Variants in KIFC3 observed in about 807,000 individuals in gnomAD.
The protein encoded by KIFC3 is kinesin-like protein KIFC3.
KIFC3 carries 60 observed loss-of-function variants against 101.8 expected under a neutral mutation model. That is an observed-to-expected ratio of 0.59 (90% CI 0.48 to 0.73). The LOEUF is 0.73. Ranked by LOEUF, KIFC3 falls within the 30% of genes least tolerant of loss-of-function variation. The pLI is 0.00. For missense variants in KIFC3, 966 were observed against 1,137.1 expected (o/e 0.85, Z 2.16); for synonymous variants, 476 against 482.7 (o/e 0.99, Z 0.18).
At chr16:57,830,219 T>C (rs1239534623) in intron 1 of KIFC3, among the ~76,000 whole-genome samples, 1 of 150,898 alleles carries the variant, frequency 6.6e-6, no homozygotes. Flanking sequence ...CTGACTGTTT[T>C]CCTTTCTTTT....
chr16:57,858,574 T>A (rs1357693232), intron 1 of KIFC3, among the ~76,000 whole-genome samples: 2 of 152,182 alleles, frequency 1.3e-5, no homozygotes, highest in African/African-American at 4.8e-5. Context: ...TATAATTGCA[T>A]GTCATTAACT....
chr16:57,778,600 G>T (rs2052388377), intron 3 of KIFC3, among the ~76,000 whole-genome samples: 1 of 152,130 alleles, frequency 6.6e-6, no homozygotes, highest in African/African-American at 2.4e-5. Context: ...CCCAATTTAA[G>T]AATGAGCAAA....
At chr16:57,847,559 T>A (rs1322882810) in intron 1 of KIFC3, among the ~76,000 whole-genome samples, 1 of 151,942 alleles carries the variant, frequency 6.6e-6, no homozygotes, top group African/African-American at 2.4e-5. Flanking sequence ...GATTAGAGAT[T>A]CCACAAATTG....
intron 3 of KIFC3, among the ~76,000 whole-genome samples, chr16:57,794,647 C>G (rs909340893): frequency 6.6e-6 from 1 of 152,184 alleles, no homozygotes; most frequent in East Asian, 1.9e-4. Flanking sequence ...CAAGGAAATA[C>G]AAGGAAATAC....
chr16:57,775,580 A>G (rs940669405), intron 3 of KIFC3: 10 of 985,848 alleles, frequency 1.0e-5, no homozygotes, highest in Non-Finnish European at 1.1e-5. Flanking sequence ...GAGAGCCAAG[A>G]GCAGGCAGGG....
intron 1 of KIFC3, among the ~76,000 whole-genome samples, chr16:57,847,239 GAAGGAAGGAAGGAAGGAAGGAAGGAAGGA>G (rs1567339270): frequency 6.9e-5 from 7 of 101,316 alleles, no homozygotes; most frequent in African/African-American, 9.6e-5. Context: ...AGGAAGGAAG[GAAGGAAGGAAGGAAGGAAGGAAGGAAGGA>G]AGGGAAGGGA....
chr16:57,777,699 C>G (rs535086798), intron 3 of KIFC3, among the ~76,000 whole-genome samples: 1 of 150,780 alleles, frequency 6.6e-6, no homozygotes, highest in East Asian at 2.0e-4. Flanking sequence ...CCCGCCTGGG[C>G]AGCAGAGCAA....
chr16:57,760,702 C>T, intron 16 of KIFC3, 24 bp downstream of exon 16: 3 of 1,600,432 alleles, frequency 1.9e-6, no homozygotes, highest in Non-Finnish European at 2.6e-6. Context: ...TAGGGACTGG[C>T]CCGCCCTAAC....
chr16:57,800,640 G>A (rs1214118408), intron 1 of KIFC3, among the ~76,000 whole-genome samples: 5 of 152,204 alleles, frequency 3.3e-5, no homozygotes, highest in Admixed American at 1.3e-4. Context: ...AGGAGATAGC[G>A]TTTCTGCGGT....
chr16:57,812,095 G>A (rs1179301544), intron 1 of KIFC3, among the ~76,000 whole-genome samples: 1 of 148,832 alleles, frequency 6.7e-6, no homozygotes, highest in Non-Finnish European at 1.5e-5. Flanking sequence ...AGGCTGGAGT[G>A]CAGTGGCGCG....
At chr16:57,852,228 G>A (rs1401655151) in intron 1 of KIFC3, among the ~76,000 whole-genome samples, 1 of 152,134 alleles carries the variant, frequency 6.6e-6, no homozygotes, top group Admixed American at 6.5e-5. Context: ...ATGTGGGGGT[G>A]GAGCTTGTGA....
At chr16:57,804,741 C>T (rs548992283), upstream of KIFC3, among the ~76,000 whole-genome samples, 4 of 151,810 alleles carry the variant, frequency 2.6e-5, no homozygotes, top group Admixed American at 1.3e-4. Flanking sequence ...AGGCACACAC[C>T]AGTGTGCCTA....
At position 57,765,632 on chromosome 16, in the gene KIFC3, G is replaced by C. The variant is rs782602933; in HGVS notation, c.1339C>G (p.Arg447Gly). Residue 447 changes from arginine (R) to glycine (G), a missense_variant, in exon 11 of 20, where the codon CGA becomes GGA. Coordinates refer to ENST00000445690, the MANE Select transcript of KIFC3 (RefSeq NM_001130100.2). The part of the protein sequence containing the change: ...NELVRLKGNI[R>G]VIARVRPVTK... ...ACTGGCCGGACACGAGCAATCACTC[G>C]GATGTTCCCTGGATTGGTTGGGGAT... 5.6e-6 allele frequency: 9 copies of C among 1,610,204 alleles called. No homozygotes were observed. Among genetic ancestry groups the C allele is most frequent in the Non-Finnish European group, 7.6e-6 (9 of 1,178,126 alleles).
chr16:57,774,795 G>T, intron 3 of KIFC3: 1 of 1,065,652 alleles, frequency 9.4e-7, no homozygotes, highest in Non-Finnish European at 1.3e-6. Context: ...CCAAAGTGCT[G>T]GGATTACCGT....
chr16:57,764,415 T>A (rs548646608), intron 11 of KIFC3, 168 bp from the exon 12 acceptor site: 7 of 594,526 alleles, frequency 1.2e-5, no homozygotes, highest in African/African-American at 1.1e-4. Context: ...AGTCATACAT[T>A]AGACAGTAGT....
upstream of KIFC3, among the ~76,000 whole-genome samples, chr16:57,807,223 GA>G (rs376858251): frequency 5.6e-4 from 81 of 143,820 alleles, no homozygotes; most frequent in African/African-American, 1.4e-3. Flanking sequence ...TCTAAAAAAA[GA>G]AAAAAAAAAA....
At chr16:57,795,884 GTTTTTTTTTTTT>G (rs797031930) in intron 2 of KIFC3, among the ~76,000 whole-genome samples, 1 of 58,786 alleles carries the variant, frequency 1.7e-5, no homozygotes, top group Non-Finnish European at 4.1e-5. Context: ...GGGCTTTTTT[GTTTTTTTTTTTT>G]TTTTTTTTTT....
intron 1 of KIFC3, among the ~76,000 whole-genome samples, chr16:57,830,236 CTTTTTTT>C (rs34842791): frequency 8.4e-6 from 1 of 119,314 alleles, no homozygotes; most frequent in Non-Finnish European, 1.8e-5. Flanking sequence ...TTTTTTCTTT[CTTTTTTT>C]TTTTTTTTTT....
intron 17 of KIFC3, 86 bp downstream of exon 17, chr16:57,760,196 C>T (rs1348657233): frequency 2.4e-5 from 36 of 1,478,054 alleles, no homozygotes; most frequent in Middle Eastern, 2.2e-4. Context: ...TGCTTCAGGA[C>T]GTCCCCGCCC....
Sources: allele counts gnomAD v4.1 joint callset (sites outside exome capture counted in the v4.1 genomes callset), GRCh38; gene constraint gnomAD v4.1.1; transcripts MANE v1.5; gene names NCBI Gene and HGNC (gene_info 2026-07-23, HGNC 2026-07-21).